THSD7B: variants seen among roughly 807,000 people sequenced by gnomAD.
The protein encoded by THSD7B is thrombospondin type 1 domain containing 7B.
A neutral mutation model predicts 213.6 loss-of-function variants in THSD7B; 138 were observed. The ratio of observed to expected loss-of-function variants is 0.65; its 90% confidence interval spans 0.56 to 0.74. The LOEUF is 0.74. Among genes scored for constraint, THSD7B ranks in the 30% least tolerant of loss-of-function variants. THSD7B has a pLI of 0.00. For synonymous variants in THSD7B, 742 were observed against 687.0 expected, an observed-to-expected ratio of 1.08 and a Z score of -1.25; for missense variants, 1,931 against 1,991.5, an observed-to-expected ratio of 0.97 and a Z score of 0.58.
At chr2:137,425,357 C>T (rs1279330495) in intron 14 of THSD7B, among the ~76,000 whole-genome samples, 1 of 151,922 alleles carries the variant, frequency 6.6e-6, no homozygotes, top group Non-Finnish European at 1.5e-5. Context: ...GCTGGGATTA[C>T]AGGCATGCAC....
intron 1 of THSD7B, among the ~76,000 whole-genome samples, chr2:136,874,694 T>G (rs1649545): frequency 6.0e-4 from 91 of 152,354 alleles, no homozygotes; most frequent in African/African-American, 2.0e-3. Flanking sequence ...TGGCCTTTCA[T>G]TGATTAGAAA....
chr2:137,196,788 T>A (rs1265316056), intron 7 of THSD7B, among the ~76,000 whole-genome samples: 1 of 152,178 alleles, frequency 6.6e-6, no homozygotes, highest in African/African-American at 2.4e-5. Context: ...ACTTGGATTC[T>A]GTCACGAAGA....
chr2:137,468,659 A>T (rs1688038745), intron 15 of THSD7B, among the ~76,000 whole-genome samples: 1 of 149,960 alleles, frequency 6.7e-6, no homozygotes, highest in Admixed American at 6.6e-5. Flanking sequence ...GGTGGGTAGA[A>T]CTTTTGACAT....
intron 2 of THSD7B, among the ~76,000 whole-genome samples, chr2:136,920,794 T>C (rs1401276767): frequency 6.6e-6 from 1 of 152,052 alleles, no homozygotes; most frequent in African/African-American, 2.4e-5. Context: ...GCCTGCCTCC[T>C]GTGCTTCTTG....
At chr2:137,195,040 A>G (rs531098794) in intron 7 of THSD7B, among the ~76,000 whole-genome samples, 2 of 152,200 alleles carry the variant, frequency 1.3e-5, no homozygotes, top group South Asian at 4.2e-4. Flanking sequence ...TGCTATCTTT[A>G]GGACTGGGGT....
chr2:136,838,210 G>A (rs1434868937), intron 1 of THSD7B, among the ~76,000 whole-genome samples: 2 of 151,724 alleles, frequency 1.3e-5, no homozygotes, highest in Non-Finnish European at 2.9e-5. Flanking sequence ...TTTTTTGTTT[G>A]ATGCTCTGGA....
intron 15 of THSD7B, among the ~76,000 whole-genome samples, chr2:137,508,484 C>G (rs1242786360): frequency 6.8e-6 from 1 of 147,616 alleles, no homozygotes; most frequent in Middle Eastern, 3.4e-3. Flanking sequence ...TCACGCCATT[C>G]TCCTGCCTCT....
chr2:136,911,369 GTTTC>G (rs368182113), intron 2 of THSD7B, among the ~76,000 whole-genome samples: 16 of 152,212 alleles, frequency 1.1e-4, no homozygotes, highest in Admixed American at 2.0e-4. Context: ...TGCTTTCACT[GTTTC>G]TTTCTAATAA....
chr2:137,081,932 T>A (rs968819344), intron 3 of THSD7B, among the ~76,000 whole-genome samples: 2 of 152,096 alleles, frequency 1.3e-5, no homozygotes, highest in Non-Finnish European at 2.9e-5. Context: ...TCTTTGTTTC[T>A]GCAGGATTCC....
At chr2:137,599,503 T>G (rs1019980345) in intron 17 of THSD7B, among the ~76,000 whole-genome samples, 1 of 151,470 alleles carries the variant, frequency 6.6e-6, no homozygotes, top group Non-Finnish European at 1.5e-5. Flanking sequence ...CTGGAGAGGA[T>G]GTGGAGAAAT....
At chr2:137,455,791 T>C (rs113240819) in intron 15 of THSD7B, among the ~76,000 whole-genome samples, 2,415 of 152,344 alleles carry the variant, frequency 0.016, 63 homozygotes, top group African/African-American at 0.055. Context: ...TCACAGTCTC[T>C]AATGTGTTGA....
In THSD7B at chr2:137,572,455, T is replaced by A; in HGVS notation, c.3322T>A (p.Cys1108Ser). 6.2e-7 allele frequency: 1 copy of A among 1,613,984 alleles called. No homozygotes were observed. ...GEGGAVDSNL[C>S]NQDEIPPETQ... ...AGGTGGAGCAGTGGATAGCAACCTGTGCAACCAGGATGAAATTCCCCCAGA... is the reference window on the plus strand; with the variant it reads ...AGGTGGAGCAGTGGATAGCAACCTGAGCAACCAGGATGAAATTCCCCCAGA... The change falls in exon 17 of 28, where the codon TGC becomes AGC. Residue 1108 changes from cysteine (C) to serine (S), a missense_variant. Physicochemically the swap from Cys to Ser is moderately radical, Grantham distance 112. Transcript: ENST00000409968.
At chr2:137,345,864 C>G (rs1012898707) in intron 12 of THSD7B, among the ~76,000 whole-genome samples, 1 of 151,476 alleles carries the variant, frequency 6.6e-6, no homozygotes, top group Non-Finnish European at 1.5e-5. Flanking sequence ...AAGCTCAGCA[C>G]ACATATATAT....
At chr2:137,373,598 G>A (rs1558774419) in intron 12 of THSD7B, among the ~76,000 whole-genome samples, 2 of 151,930 alleles carry the variant, frequency 1.3e-5, no homozygotes, top group Non-Finnish European at 2.9e-5. Flanking sequence ...CTGGATATTA[G>A]CCCTTTCTCA....
chr2:137,088,672 C>T (rs1323618727), intron 3 of THSD7B, among the ~76,000 whole-genome samples: 1 of 150,966 alleles, frequency 6.6e-6, no homozygotes, highest in East Asian at 1.9e-4. Flanking sequence ...CAATAGGAAC[C>T]ATCAGCAAAA....
chr2:137,553,140 T>C (rs1328976167), intron 15 of THSD7B, among the ~76,000 whole-genome samples: 1 of 152,204 alleles, frequency 6.6e-6, no homozygotes, highest in East Asian at 1.9e-4. Context: ...TGGTCCCAGA[T>C]GGGCCTTTGA....
intron 15 of THSD7B, among the ~76,000 whole-genome samples, chr2:137,453,141 T>C (rs1396841345): frequency 1.3e-5 from 2 of 152,012 alleles, no homozygotes; most frequent in Admixed American, 1.3e-4. Context: ...GTGGCTAAAT[T>C]AAGAACCTCA....
intron 2 of THSD7B, among the ~76,000 whole-genome samples, chr2:137,006,793 A>T (rs936488948): frequency 1.3e-5 from 2 of 152,198 alleles, no homozygotes; most frequent in African/African-American, 4.8e-5. Flanking sequence ...CCTCCATACT[A>T]AGGGGCACAT....
chr2:136,934,884 C>A (rs968706324), intron 2 of THSD7B, among the ~76,000 whole-genome samples: 1 of 152,056 alleles, frequency 6.6e-6, no homozygotes, highest in Non-Finnish European at 1.5e-5. Flanking sequence ...TACAAAAGTG[C>A]TAAATCATTT....
Sources: gnomAD v4.1 joint callset for allele counts (sites outside exome capture counted in the v4.1 genomes callset) on GRCh38, gnomAD v4.1.1 for gene constraint, MANE v1.5 for transcripts, NCBI Gene and HGNC (gene_info 2026-07-23, HGNC 2026-07-21) for gene names.